The following IGSF11 variants were observed in gnomAD, a reference collection of about 807,000 sequenced individuals.
IGSF11 encodes the protein immunoglobulin superfamily member 11, also known as CXADR like 1.
A neutral mutation model predicts 41.0 loss-of-function variants in IGSF11; 22 were observed. The observed-to-expected ratio is 0.54, with a 90% CI of 0.38 to 0.77. The LOEUF (loss-of-function observed/expected upper bound fraction) is 0.77, where lower values mean the gene tolerates loss of function less well. Ranked by LOEUF, IGSF11 falls within the 30% of genes least tolerant of loss-of-function variation. The pLI is 0.00. For synonymous variants in IGSF11, 219 were observed against 201.3 expected (o/e 1.09, Z -0.74); for missense variants, 444 against 530.8 (o/e 0.84, Z 1.61).
chr3:119,001,748 T>G (rs531374938), intron 1 of IGSF11, among the ~76,000 whole-genome samples: 150 of 150,714 alleles, frequency 1.0e-3, no homozygotes, highest in African/African-American at 3.5e-3. Context: ...TGTGATAGTT[T>G]ACTGAGAATG....
chr3:118,968,542 G>C (rs932851866), intron 1 of IGSF11, among the ~76,000 whole-genome samples: 1 of 152,144 alleles, frequency 6.6e-6, no homozygotes, highest in South Asian at 2.1e-4. Context: ...CTAGAATTTA[G>C]GGCAAAACAT....
intron 1 of IGSF11, among the ~76,000 whole-genome samples, chr3:118,991,141 C>T (rs556735650): frequency 6.6e-6 from 1 of 152,274 alleles, no homozygotes; most frequent in East Asian, 1.9e-4. Context: ...AAGCACTGGG[C>T]AAACATACAC....
At chr3:118,940,536 C>T (rs1392305086) in intron 1 of IGSF11, among the ~76,000 whole-genome samples, 1 of 152,064 alleles carries the variant, frequency 6.6e-6, no homozygotes, top group Non-Finnish European at 1.5e-5. Context: ...AAAGACTTTA[C>T]TGCCTGGAGA....
chr3:119,113,157 G>A (rs137872433), intron 1 of IGSF11, among the ~76,000 whole-genome samples: 197 of 152,190 alleles, frequency 1.3e-3, no homozygotes, highest in African/African-American at 4.3e-3. Flanking sequence ...ATGAGATTTG[G>A]GTGGGGACAG....
intron 1 of IGSF11, among the ~76,000 whole-genome samples, chr3:119,133,571 ATAAT>A (rs930925772): frequency 3.9e-5 from 6 of 152,222 alleles, no homozygotes; most frequent in Admixed American, 1.3e-4. Flanking sequence ...AATTGAGGCA[ATAAT>A]TAATAGCCTA....
chr3:118,956,798 AAG>A (rs1944991560), intron 1 of IGSF11, among the ~76,000 whole-genome samples: 1 of 152,228 alleles, frequency 6.6e-6, no homozygotes, highest in Non-Finnish European at 1.5e-5. Context: ...AAGTGTGACA[AAG>A]AAACACAAAG....
At chr3:119,114,174 C>T (rs2077224671) in intron 1 of IGSF11, among the ~76,000 whole-genome samples, 1 of 152,226 alleles carries the variant, frequency 6.6e-6, no homozygotes, top group Admixed American at 6.5e-5. Flanking sequence ...GCATTTTCCC[C>T]ATTGTCTTGG....
intron 1 of IGSF11, among the ~76,000 whole-genome samples, chr3:119,054,732 CA>C (rs1941754984): frequency 6.6e-6 from 1 of 152,202 alleles, no homozygotes; most frequent in Admixed American, 6.5e-5. Flanking sequence ...CTTGCACACA[CA>C]TGTTTATAGC....
At chr3:118,998,553 T>C (rs575354534) in intron 1 of IGSF11, among the ~76,000 whole-genome samples, 8 of 151,900 alleles carry the variant, frequency 5.3e-5, no homozygotes, top group African/African-American at 1.7e-4. Flanking sequence ...GAATAAGTAT[T>C]ATCTGCACCC....
At chr3:119,110,501 C>A (rs187685254) in intron 1 of IGSF11, among the ~76,000 whole-genome samples, 1,642 of 152,058 alleles carry the variant, frequency 0.011, 80 homozygotes, top group Admixed American at 0.089. Flanking sequence ...CGTGAGATGG[C>A]TTTCCTGAAT....
At chr3:118,958,385 A>G (rs1945107586) in intron 1 of IGSF11, among the ~76,000 whole-genome samples, 1 of 152,208 alleles carries the variant, frequency 6.6e-6, no homozygotes, top group African/African-American at 2.4e-5. Flanking sequence ...AAGGACAGGG[A>G]ACATAGAATA....
At chr3:118,918,228 A>G (rs1234763567) in intron 4 of IGSF11, among the ~76,000 whole-genome samples, 4 of 112,230 alleles carry the variant, frequency 3.6e-5, no homozygotes, top group South Asian at 8.0e-4. Context: ...CACCGCTCCT[A>G]TTCAACATAG....
chr3:119,093,061 AC>A (rs201038547), intron 1 of IGSF11, among the ~76,000 whole-genome samples: 2 of 123,982 alleles, frequency 1.6e-5, no homozygotes, highest in South Asian at 2.7e-4. Context: ...TTCAGGGAGT[AC>A]CCCTGTCATT....
intron 1 of IGSF11, among the ~76,000 whole-genome samples, chr3:118,966,397 T>G (rs918307083): frequency 6.6e-6 from 1 of 152,178 alleles, no homozygotes; most frequent in Non-Finnish European, 1.5e-5. Flanking sequence ...CCTGGCTCCA[T>G]GTTGCTTTTT....
chr3:119,032,808 G>C (rs1043375046), intron 1 of IGSF11, among the ~76,000 whole-genome samples: 1 of 152,220 alleles, frequency 6.6e-6, no homozygotes, highest in African/African-American at 2.4e-5. Flanking sequence ...CTTACAGCCT[G>C]TTTTAAAAAT....
At chr3:119,137,368 A>C (rs1441347717) in intron 1 of IGSF11, among the ~76,000 whole-genome samples, 2 of 152,216 alleles carry the variant, frequency 1.3e-5, no homozygotes, top group Non-Finnish European at 2.9e-5. Context: ...GCATAAAAAC[A>C]GACACATAGA....
intron 1 of IGSF11, among the ~76,000 whole-genome samples, chr3:118,995,801 C>T (rs897279487): frequency 2.0e-5 from 3 of 151,936 alleles, no homozygotes; most frequent in African/African-American, 2.4e-5. Context: ...TACAGGTGCC[C>T]GCCACCACGC....
chr3:119,079,821 G>A (rs543824965), intron 1 of IGSF11, among the ~76,000 whole-genome samples: 5 of 152,254 alleles, frequency 3.3e-5, no homozygotes, highest in Admixed American at 6.5e-5. Flanking sequence ...CTGCAAGTGG[G>A]AGCTAAACAG....
chr3:118,936,273 G>C (rs1190621188), intron 1 of IGSF11, among the ~76,000 whole-genome samples: 2 of 152,050 alleles, frequency 1.3e-5, no homozygotes, highest in Non-Finnish European at 2.9e-5. Flanking sequence ...TTGGGAGGCT[G>C]AGGCAGGCAG....
Sources: gnomAD v4.1 joint callset for allele counts (sites outside exome capture counted in the v4.1 genomes callset) on GRCh38, gnomAD v4.1.1 for gene constraint, MANE v1.5 for transcripts, NCBI Gene and HGNC (gene_info 2026-07-23, HGNC 2026-07-21) for gene names.